MREG: variants seen among roughly 807,000 people sequenced by gnomAD.
MREG encodes the protein melanoregulin.
In MREG, 31 loss-of-function variants were observed where a neutral mutation model predicts 28.5. The observed-to-expected ratio is 1.09, with a 90% CI of 0.82 to 1.47. The LOEUF (loss-of-function observed/expected upper bound fraction) is 1.47, where lower values mean the gene tolerates loss of function less well. Ranked by LOEUF, MREG falls within the 40% of genes most tolerant of loss-of-function variation. The pLI is 0.00. For missense variants in MREG, 256 were observed against 257.4 expected, an observed-to-expected ratio of 0.99 and a Z score of 0.04; for synonymous variants, 106 against 95.2, an observed-to-expected ratio of 1.11 and a Z score of -0.66.
intron 2 of MREG, among the ~76,000 whole-genome samples, chr2:215,995,215 G>A (rs373714734): frequency 3.2e-4 from 49 of 152,242 alleles, no homozygotes; most frequent in East Asian, 9.6e-4. Context: ...GTGGGTGCTC[G>A]GTCACTAGTG....
chr2:216,030,728 TC>T lies in MREG; in HGVS notation c.-68+2060del, dbSNP rs201874951. On this transcript the variant is annotated intron_variant, in intron 1 of 3. Transcript: ENST00000420348. ...TGGCTAATTTTTGTATTTCTTTCTTTCTTTTTTTTTTTTTAGTAGAGAGAAG... is the reference window on the plus strand; with the variant it reads ...TGGCTAATTTTTGTATTTCTTTCTTTTTTTTTTTTTTTTAGTAGAGAGAAG... 4.2e-4 allele frequency among the ~76,000 whole-genome samples: 62 copies of T among 148,732 alleles called. 2 individuals carry two copies. Among genetic ancestry groups the T allele is most frequent in the African/African-American group, 9.4e-4 (38 of 40,582 alleles).
intron 2 of MREG, among the ~76,000 whole-genome samples, chr2:215,980,022 G>A (rs1167904831): frequency 6.6e-6 from 1 of 151,212 alleles, no homozygotes; most frequent in East Asian, 1.9e-4. Context: ...GCCCATTTCT[G>A]TCAGTAAATT....
At chr2:215,993,899 A>G (rs2106013750) in intron 2 of MREG, among the ~76,000 whole-genome samples, 1 of 152,368 alleles carries the variant, frequency 6.6e-6, no homozygotes, top group South Asian at 2.1e-4. Context: ...CGATCACTAA[A>G]AAGTCAGGAA....
chr2:216,027,848 G>C lies in MREG; in HGVS notation c.-68+4941C>G, dbSNP rs574506224. ...CTTCCCCCACCCTCTGTGATAAAAA[G>C]TCATTCACAAGTTGCATTGTTTTTC... On this transcript the variant is annotated intron_variant, in intron 1 of 3. Transcript: ENST00000420348. 4.7e-5 allele frequency among the ~76,000 whole-genome samples: 7 copies of C among 148,918 alleles called. No individual in the cohort carries two copies. In the East Asian group the frequency reaches 1.2e-3, roughly 26 times the overall value.
At chr2:215,992,147 A>G (rs938534772) in intron 2 of MREG, among the ~76,000 whole-genome samples, 3 of 152,246 alleles carry the variant, frequency 2.0e-5, no homozygotes, top group African/African-American at 4.8e-5. Flanking sequence ...AAAATCCTCA[A>G]TAAAATACTG....
intron 2 of MREG, among the ~76,000 whole-genome samples, chr2:215,995,269 C>A (rs1693836527): frequency 6.6e-6 from 1 of 152,182 alleles, no homozygotes; most frequent in Non-Finnish European, 1.5e-5. Context: ...GTCCACCCTT[C>A]CCCAGGCCTC....
intron 1 of MREG, among the ~76,000 whole-genome samples, chr2:216,002,998 C>T (rs1474572731): frequency 2.0e-5 from 3 of 151,724 alleles, no homozygotes; most frequent in Admixed American, 1.3e-4. Flanking sequence ...GTCTCTCCTT[C>T]CTTTGTTCTT....
At chr2:215,978,841 T>C (rs1693331082) in intron 2 of MREG, among the ~76,000 whole-genome samples, 1 of 152,220 alleles carries the variant, frequency 6.6e-6, no homozygotes, top group Non-Finnish European at 1.5e-5. Flanking sequence ...CAGCACTTCA[T>C]GCTAAAAACT....
intron 1 of MREG, among the ~76,000 whole-genome samples, chr2:216,012,274 G>T (rs1054724398): frequency 1.3e-5 from 2 of 152,168 alleles, no homozygotes; most frequent in African/African-American, 4.8e-5. Context: ...ACTGTTTAAT[G>T]TACTGGAAAA....
At chr2:216,021,987 C>T (rs1468495337) in intron 1 of MREG, among the ~76,000 whole-genome samples, 1 of 152,172 alleles carries the variant, frequency 6.6e-6, no homozygotes, top group Non-Finnish European at 1.5e-5. Context: ...CCTATACTCC[C>T]AACACATTGG....
At chr2:215,977,556 C>A (rs1028858265) in intron 2 of MREG, among the ~76,000 whole-genome samples, 13 of 152,350 alleles carry the variant, frequency 8.5e-5, no homozygotes, top group African/African-American at 3.1e-4. Context: ...GAACTCTCCA[C>A]CCCAAATCAA....
At chr2:215,969,585 A>C (rs903175625) in intron 2 of MREG, among the ~76,000 whole-genome samples, 1 of 152,210 alleles carries the variant, frequency 6.6e-6, no homozygotes, top group African/African-American at 2.4e-5. Context: ...ATTACAGAGG[A>C]GAAACCCTGA....
intron 2 of MREG, among the ~76,000 whole-genome samples, chr2:215,965,545 C>G (rs886086706): frequency 2.0e-5 from 3 of 152,164 alleles, no homozygotes; most frequent in African/African-American, 7.2e-5. Flanking sequence ...ACCAACAATC[C>G]TAGAAATCTG....
At position 215,944,334 on chromosome 2, in the gene MREG, T is replaced by C. The variant is rs994287499; in HGVS notation, c.*529A>G. The C allele has an allele frequency of 6.6e-6, 1 of 152,276 alleles. No homozygotes were observed. Among genetic ancestry groups the C allele is most frequent in the African/African-American group, 2.4e-5 (1 of 41,450 alleles). The allele number at this position is 152,276 out of a possible 1,614,324, so 9.4% of individuals were successfully genotyped here. ...TATACTTCTGAATAATCATAACTGA[T>C]ACTCAAAGAGATGCCCTGACACCCT... On this transcript the variant is annotated 3_prime_UTR_variant, in exon 5 of 5. Coordinates refer to ENST00000263268, the MANE Select transcript of MREG (RefSeq NM_018000.3).
chr2:216,025,067 C>G (rs1192690592), intron 1 of MREG, among the ~76,000 whole-genome samples: 6 of 152,108 alleles, frequency 3.9e-5, no homozygotes, highest in Admixed American at 2.6e-4. Flanking sequence ...GTTTGTATCC[C>G]TTTCATGATT....
chr2:216,014,502 AG>A (rs1382737201), upstream of MREG, among the ~76,000 whole-genome samples: 2 of 152,014 alleles, frequency 1.3e-5, no homozygotes, highest in African/African-American at 4.8e-5. Context: ...TACAAAAATT[AG>A]CCGGGCATGG....
At chr2:216,019,462 C>T (rs1574659787) in intron 1 of MREG, among the ~76,000 whole-genome samples, 4 of 151,806 alleles carry the variant, frequency 2.6e-5, no homozygotes, top group South Asian at 2.1e-4. Flanking sequence ...TGTCCTATCA[C>T]TCTGTCGTTT....
chr2:215,976,191 C>T (rs926605508), intron 2 of MREG, among the ~76,000 whole-genome samples: 1 of 152,278 alleles, frequency 6.6e-6, no homozygotes, highest in Admixed American at 6.5e-5. Flanking sequence ...CAACAATCTG[C>T]GTGTTTCACT....
chr2:215,990,537 A>G (rs1018844017), intron 2 of MREG, among the ~76,000 whole-genome samples: 4 of 152,242 alleles, frequency 2.6e-5, no homozygotes, highest in South Asian at 2.1e-4. Flanking sequence ...TCAAATTCAC[A>G]CAAAGCAATA....
Sources: allele counts gnomAD v4.1 joint callset (sites outside exome capture counted in the v4.1 genomes callset), GRCh38; gene constraint gnomAD v4.1.1; transcripts MANE v1.5; gene names NCBI Gene and HGNC (gene_info 2026-07-23, HGNC 2026-07-21).